HIPK2: variants seen among roughly 807,000 people sequenced by gnomAD.
HIPK2 encodes homeodomain-interacting protein kinase 2.
In HIPK2, 27 loss-of-function variants were observed where a neutral mutation model predicts 113.7. The observed-to-expected ratio is 0.24, with a 90% CI of 0.17 to 0.33. The LOEUF is 0.33. Among genes scored for constraint, HIPK2 ranks in the 10% least tolerant of loss-of-function variants. HIPK2 has a pLI of 1.00. For synonymous variants in HIPK2, 631 were observed against 642.2 expected, an observed-to-expected ratio of 0.98 and a Z score of 0.26; for missense variants, 1,257 against 1,588.0, an observed-to-expected ratio of 0.79 and a Z score of 3.54.
rs1010543995 is a variant in HIPK2, at chr7:139,705,826, TAA to T, written c.1103+10104_1103+10105del. Among the ~76,000 whole-genome samples, 115 of 105,270 alleles carry T rather than the reference TAA, an allele frequency of 1.1e-3. 1 individual carries two copies. The highest frequency in any genetic ancestry group is 3.1e-3 in the African/African-American group (85 of 27,642). 69.1% of individuals were successfully genotyped at this position (105,270 alleles called of 152,430 possible). A position where few individuals can be genotyped will look rare whatever the true frequency, so the allele number is the denominator to read the frequency against. ...ATAATAACAAGGATGAAAAGATTAG[TAA>T]AAAAAAAAAAAAAAAAGAGCAGCTA... On this transcript the variant is annotated intron_variant, in intron 2 of 14. Coordinates refer to ENST00000406875, the MANE Select transcript of HIPK2 (RefSeq NM_022740.5).
At chr7:139,577,140 CTTTT>C (rs966966045) in intron 13 of HIPK2, among the ~76,000 whole-genome samples, 4,078 of 91,170 alleles carry the variant, frequency 0.045, 67 homozygotes, top group Middle Eastern at 0.19. Context: ...ACTGGGCTTC[CTTTT>C]TTTTTTTTTT....
At chr7:139,633,761 A>G (rs1800704435) in intron 2 of HIPK2, among the ~76,000 whole-genome samples, 1 of 152,030 alleles carries the variant, frequency 6.6e-6, no homozygotes. Flanking sequence ...CCTGGTCAAC[A>G]TGGTGAAACC....
chr7:139,684,630 T>C (rs10954655), intron 2 of HIPK2, among the ~76,000 whole-genome samples: 51,820 of 152,016 alleles, frequency 0.34, 11,122 homozygotes, highest in Non-Finnish European at 0.47. Context: ...TGCAGGAGAA[T>C]CACTTGAATC....
intron 2 of HIPK2, among the ~76,000 whole-genome samples, chr7:139,673,593 G>C (rs1291649665): frequency 6.6e-6 from 1 of 152,104 alleles, no homozygotes; most frequent in Non-Finnish European, 1.5e-5. Context: ...GTAGAGACTG[G>C]GCTGACACCA....
chr7:139,715,326 A>G (rs1795192768), intron 2 of HIPK2, among the ~76,000 whole-genome samples: 1 of 152,190 alleles, frequency 6.6e-6, no homozygotes, highest in South Asian at 2.1e-4. Context: ...AGCTGGCCCC[A>G]GACTAGTCTC....
chr7:139,724,843 C>T (rs1316291277), intron 1 of HIPK2, among the ~76,000 whole-genome samples: 1 of 151,868 alleles, frequency 6.6e-6, no homozygotes, highest in Non-Finnish European at 1.5e-5. Context: ...CATCTTGCAG[C>T]ACTATTCACA....
intron 1 of HIPK2, among the ~76,000 whole-genome samples, chr7:139,734,157 T>C (rs1465648451): frequency 7.2e-5 from 11 of 152,204 alleles, no homozygotes; most frequent in Non-Finnish European, 1.5e-5. Flanking sequence ...AAGACAACGT[T>C]AAAATTCCGA....
intron 1 of HIPK2, among the ~76,000 whole-genome samples, chr7:139,762,589 C>T (rs769026654): frequency 1.3e-5 from 2 of 152,232 alleles, no homozygotes; most frequent in Non-Finnish European, 2.9e-5. Flanking sequence ...ACTCACCTAT[C>T]AAGATGTCTT....
chr7:139,649,929 G>C lies in HIPK2; in HGVS notation c.1104-18204C>G, dbSNP rs759216533. On this transcript the variant is annotated intron_variant, in intron 2 of 14. Transcript: ENST00000406875. ...CGAAAGGGTTCCCTTGAAAAGCAAG[G>C]GTTCTTCTGTTTGGTACACCTCAGT... Among the ~76,000 whole-genome samples, 93 of 152,040 alleles carry C rather than the reference G, an allele frequency of 6.1e-4. 1 individual carries two copies. Among genetic ancestry groups the C allele is most frequent in the Non-Finnish European group, 8.1e-4 (55 of 68,012 alleles).
Position 139,628,983 on chromosome 7 carries a change from G to A in HIPK2, c.1404C>T (p.Tyr468=), listed in dbSNP as rs1800520805. ...CCATATCATCTAAACAGTTGAAAAT[G>A]TACTTTCTTGCTTCTTTTGACTTAA... ...TGIKSKEARK[Y]IFNCLDDMAQ... is the part of the protein sequence containing the mutation. The change falls in exon 5 of 15, where the codon TAC becomes TAT. Residue 468 remains tyrosine, a synonymous_variant. Coordinates refer to ENST00000406875, the MANE Select transcript of HIPK2 (RefSeq NM_022740.5). The A allele has an allele frequency of 6.3e-7, 1 of 1,596,306 alleles. No individual in the cohort carries two copies. Among genetic ancestry groups the A allele is most frequent in the Non-Finnish European group, 8.5e-7 (1 of 1,169,904 alleles).
At chr7:139,615,507 G>A (rs938048103) in intron 7 of HIPK2, among the ~76,000 whole-genome samples, 20 of 152,216 alleles carry the variant, frequency 1.3e-4, no homozygotes, top group African/African-American at 4.8e-4. Context: ...AAATGAGGCT[G>A]TATAAGGAAA....
intron 13 of HIPK2, among the ~76,000 whole-genome samples, chr7:139,577,333 T>G (rs891547670): frequency 9.2e-5 from 14 of 151,982 alleles, no homozygotes; most frequent in Admixed American, 2.6e-4. Context: ...GTATTTTTAG[T>G]AGAGACAGGG....
In HIPK2 at chr7:139,570,063, G is replaced by T. The variant is rs913756011; in HGVS notation, c.*2864C>A. ...AGAATAATTTTCTTTAAAATGAAAAGAACATTTTAAGCTGTCTTTCCCCCT... is the reference window on the plus strand; with the variant it reads ...AGAATAATTTTCTTTAAAATGAAAATAACATTTTAAGCTGTCTTTCCCCCT... On this transcript the variant is annotated 3_prime_UTR_variant, in exon 15 of 15. Transcript: ENST00000406875. The T allele has an allele frequency of 6.6e-6, 1 of 152,134 alleles. No individual in the cohort carries two copies. Among genetic ancestry groups the T allele is most frequent in the African/African-American group, 2.4e-5 (1 of 41,414 alleles). The allele number at this position is 152,134 out of a possible 1,614,324, so 9.4% of individuals were successfully genotyped here. A position where few individuals can be genotyped will look rare whatever the true frequency, so the allele number is the denominator to read the frequency against.
chr7:139,759,951 A>G (rs1796436077), intron 1 of HIPK2, among the ~76,000 whole-genome samples: 1 of 152,086 alleles, frequency 6.6e-6, no homozygotes, highest in Non-Finnish European at 1.5e-5. Flanking sequence ...TGTAGAGAGA[A>G]TGATTTAACA....
At chr7:139,729,395 G>C (rs1317746253) in intron 1 of HIPK2, among the ~76,000 whole-genome samples, 5 of 137,488 alleles carry the variant, frequency 3.6e-5, no homozygotes, top group Admixed American at 1.5e-4. Flanking sequence ...ATTGGGAGTG[G>C]CTTATTAATA....
At chr7:139,739,390 C>G (rs1304930254) in intron 1 of HIPK2, among the ~76,000 whole-genome samples, 1 of 152,074 alleles carries the variant, frequency 6.6e-6, no homozygotes, top group Admixed American at 6.6e-5. Flanking sequence ...AGTTCAAGAC[C>G]AGCCTGGCCA....
At chr7:139,730,833 T>C (rs1795754251) in intron 1 of HIPK2, among the ~76,000 whole-genome samples, 1 of 152,232 alleles carries the variant, frequency 6.6e-6, no homozygotes, top group Non-Finnish European at 1.5e-5. Context: ...TAATCCCATA[T>C]GACTGGTGTC....
Position 139,600,534 on chromosome 7 carries a change from C to A in HIPK2, c.2318G>T (p.Gly773Val). 1 of 1,614,010 alleles carries A rather than the reference C, an allele frequency of 6.2e-7. No homozygotes were observed. The highest frequency in any genetic ancestry group is 8.5e-7 in the Non-Finnish European group (1 of 1,179,896). The change falls in exon 11 of 15, where the codon GGT becomes GTT. Residue 773 changes from glycine to valine, a missense_variant. Around this residue, in one of 5 missense-constraint regions of HIPK2, gnomAD observed 862 missense variants for 1,004.3 expected, o/e 0.86. Coordinates refer to ENST00000406875, the MANE Select transcript of HIPK2 (RefSeq NM_022740.5). ...PIMQQPALLT[G>V]HVTLPAAQPL... ...CTGTGCTGCTGGAAGGGTCACATGA[C>A]CGGTCAATAGTGCAGGCTGCTGCAT... is the stretch of plus-strand genomic sequence containing the variant.
intron 2 of HIPK2, among the ~76,000 whole-genome samples, chr7:139,701,838 C>T (rs1424400396): frequency 2.0e-5 from 3 of 152,062 alleles, no homozygotes; most frequent in South Asian, 2.1e-4. Flanking sequence ...GGCCTGGAGG[C>T]GGGGGAAGGC....
Sources: gnomAD v4.1 joint callset for allele counts (sites outside exome capture counted in the v4.1 genomes callset) on GRCh38, gnomAD v4.1.1 for gene constraint, gnomAD v4.1.1 regional missense constraint, MANE v1.5 for transcripts, NCBI Gene and HGNC (gene_info 2026-07-23, HGNC 2026-07-21) for gene names.